GSN: variants seen among roughly 807,000 people sequenced by gnomAD.
GSN encodes the protein actin-depolymerizing factor.
In GSN, 56 loss-of-function variants were observed where a neutral mutation model predicts 85.7. That is an observed-to-expected ratio of 0.65 (90% confidence interval 0.53 to 0.82). The LOEUF is 0.82. Ranked by LOEUF, GSN falls within the 40% of genes least tolerant of loss-of-function variation. GSN has a pLI of 0.00. For synonymous variants in GSN, 373 were observed against 399.1 expected, an observed-to-expected ratio of 0.93 and a Z score of 0.78; for missense variants, 857 against 979.8, an observed-to-expected ratio of 0.87 and a Z score of 1.67.
chr9:121,252,794 C>T lies in GSN; in HGVS notation c.-341+4471C>T, dbSNP rs139415706. Among the ~76,000 whole-genome samples the T allele has an allele frequency of 4.5e-3, 689 of 152,232 alleles. 2 individuals carry two copies. The highest frequency in any genetic ancestry group is 0.014 in the African/African-American group (592 of 41,542). The stretch of plus-strand genomic sequence containing the variant: ...TTGCTGTATTAAGACACTAGGATTT[C>T]GGGGGGGCAATTTGTTACTATAATA... On this transcript the variant is annotated intron_variant, in intron 6 of 24. Coordinates refer to the GSN transcript ENST00000373823.
chr9:121,235,379 T>C (rs1037988833), intron 5 of GSN, among the ~76,000 whole-genome samples: 5 of 152,144 alleles, frequency 3.3e-5, no homozygotes, highest in African/African-American at 4.8e-5. Flanking sequence ...CTTCAGCTTG[T>C]CCAAAGTCCC....
At chr9:121,231,059 T>A (rs542836683) in intron 4 of GSN, 4 of 152,348 alleles carry the variant, frequency 2.6e-5, no homozygotes, top group Non-Finnish European at 5.9e-5. Context: ...AGCATCGCTA[T>A]ACTCCTCCTT....
upstream of GSN, among the ~76,000 whole-genome samples, chr9:121,205,482 A>T (rs9409230): frequency 0.039 from 5,918 of 152,276 alleles, 134 homozygotes; most frequent in Non-Finnish European, 0.055. Context: ...AGGAGAACAC[A>T]GATGGAGAGA....
chr9:121,233,762 C>G (rs557627048), intron 5 of GSN, among the ~76,000 whole-genome samples: 58 of 152,244 alleles, frequency 3.8e-4, no homozygotes, highest in Non-Finnish European at 7.2e-4. Flanking sequence ...AAAAGAGACC[C>G]TAAAACCTAT....
At chr9:121,257,079 A>T (rs1399077350) in intron 6 of GSN, among the ~76,000 whole-genome samples, 2 of 152,238 alleles carry the variant, frequency 1.3e-5, no homozygotes, top group East Asian at 3.8e-4. Flanking sequence ...TACACATTGT[A>T]TATGCATGTG....
chr9:121,239,789 C>CAA (rs2132190588), intron 5 of GSN: 1 of 255,594 alleles, frequency 3.9e-6, no homozygotes, highest in African/African-American at 2.3e-5. Context: ...TCCCCAGTCC[C>CAA]TTGAAATACC....
intron 4 of GSN, among the ~76,000 whole-genome samples, chr9:121,228,775 C>G (rs2054328734): frequency 1.3e-5 from 2 of 152,222 alleles, no homozygotes; most frequent in South Asian, 2.1e-4. Context: ...GTTGAAAGAA[C>G]AGTACACACA....
In GSN at chr9:121,246,897, G is replaced by A. The variant is rs994202826; in HGVS notation, c.-388-1379G>A. On this transcript the variant is annotated intron_variant, in intron 5 of 24. Coordinates refer to the GSN transcript ENST00000373823. ...GTGGGGAGGGCCCACTCCTAAGTGA[G>A]TCATGGCCAGAGTTTAAGGCGTGTG... Among the ~76,000 whole-genome samples the A allele has an allele frequency of 5.3e-5, 8 of 152,202 alleles. No individual in the cohort carries two copies. In the East Asian group the frequency reaches 1.5e-3, roughly 29 times the overall value.
At position 121,329,246 on chromosome 9, in the gene GSN, G is replaced by A; in HGVS notation, c.1896G>A (p.Glu632=). The change falls in exon 16 of 18, where the codon GAG becomes GAA. Residue 632 remains glutamate (E), a synonymous_variant. Coordinates refer to ENST00000432226, the MANE Select transcript of GSN (RefSeq NM_198252.3). This position sits in a 1 kb window ranked among gnomAD's most constrained non-coding sequence, Gnocchi z 4.6. Reference sequence around the variant, plus strand: ...CTTTCGTTCCTTCCCAGATCGAAGAGGTTCCTGGTGAGCTCATGCAGGAAG... The same window carrying A: ...CTTTCGTTCCTTCCCAGATCGAAGAAGTTCCTGGTGAGCTCATGCAGGAAG... ...SNKIGRFVIE[E]VPGELMQEDL... The A allele has an allele frequency of 1.2e-6, 2 of 1,610,552 alleles. No individual in the cohort carries two copies. Among genetic ancestry groups the A allele is most frequent in the Non-Finnish European group, 1.7e-6 (2 of 1,176,738 alleles).
At chr9:121,221,156 A>G (rs1279837177) in intron 4 of GSN, among the ~76,000 whole-genome samples, 2 of 152,242 alleles carry the variant, frequency 1.3e-5, no homozygotes, top group Non-Finnish European at 2.9e-5. Context: ...GAGAAAAGCC[A>G]GTTAACATCA....
rs935954209 is a variant in GSN at position 121,269,238 on chromosome 9, C to G, written c.-103+1019C>G. ...CCTGTGTGTCCTGTTCTCCCAGGAC[C>G]ACATTTCTGACCAGGGCACCAGGAC... On this transcript the variant is annotated intron_variant, in intron 1 of 17. Coordinates refer to ENST00000432226, the MANE Select transcript of GSN (RefSeq NM_198252.3). 3.3e-5 allele frequency among the ~76,000 whole-genome samples: 5 copies of G among 152,254 alleles called. No homozygotes were observed. The East Asian group carries it at 7.7e-4, about 24-fold the overall frequency.
intron 4 of GSN, among the ~76,000 whole-genome samples, chr9:121,226,506 C>T (rs2054274345): frequency 6.6e-6 from 1 of 151,626 alleles, no homozygotes; most frequent in Non-Finnish European, 1.5e-5. Context: ...TGGAGCCATC[C>T]AGGCTGAGAG....
At chr9:121,202,176 C>G in the GSN span, among the ~76,000 whole-genome samples, 1 of 152,256 alleles carries the variant, frequency 6.6e-6, no homozygotes, top group African/African-American at 2.4e-5. Context: ...GCGCCTGCGT[C>G]TTGGAGAACT....
intron 16 of GSN, among the ~76,000 whole-genome samples, chr9:121,330,495 A>G (rs1162640611): frequency 6.6e-6 from 1 of 152,214 alleles, no homozygotes; most frequent in Non-Finnish European, 1.5e-5. Context: ...GAATCACTTG[A>G]ACCCAGGAGG....
In GSN at chr9:121,299,032, C is replaced by T. The variant is rs557090631; in HGVS notation, c.-9-2931C>T. Reference sequence around the variant, plus strand: ...AACAAGGGCTTGCTTAGAGACATGACGGTAAACCCTGAACCATCAGCTAAA... The same window carrying T: ...AACAAGGGCTTGCTTAGAGACATGATGGTAAACCCTGAACCATCAGCTAAA... On this transcript the variant is annotated intron_variant, in intron 2 of 17. Transcript: ENST00000432226. The surrounding 1 kb of genome is among the most constrained non-coding windows in gnomAD (Gnocchi z 4.2). Among the ~76,000 whole-genome samples the T allele has an allele frequency of 4.6e-5, 7 of 152,306 alleles. No individual in the cohort carries two copies. The highest frequency in any genetic ancestry group is 2.1e-4 in the South Asian group (1 of 4,826).
chr9:121,229,169 C>T (rs2054337198), intron 4 of GSN, among the ~76,000 whole-genome samples: 1 of 152,198 alleles, frequency 6.6e-6, no homozygotes, highest in Non-Finnish European at 1.5e-5. Context: ...TAACCTGGAA[C>T]AGTTCCCTCC....
At chr9:121,249,032 G>T (rs1250813006) in intron 6 of GSN, among the ~76,000 whole-genome samples, 1 of 152,144 alleles carries the variant, frequency 6.6e-6, no homozygotes, top group East Asian at 1.9e-4. Context: ...AGACTTTTGT[G>T]ACAATCTAGA....
chr9:121,313,832 A>T (rs750465132), intron 6 of GSN, 102 bp from the exon 7 acceptor site: 4 of 901,144 alleles, frequency 4.4e-6, no homozygotes, highest in Non-Finnish European at 5.6e-6. Context: ...GGGGAGGGTC[A>T]CAGTGGATGT....
At chr9:121,303,539 G>C (rs1394893159) in intron 4 of GSN, among the ~76,000 whole-genome samples, 1 of 152,222 alleles carries the variant, frequency 6.6e-6, no homozygotes, top group Non-Finnish European at 1.5e-5. Flanking sequence ...ACTCTTCAGA[G>C]TCTGGATCAA....
Sources: allele counts gnomAD v4.1 joint callset (sites outside exome capture counted in the v4.1 genomes callset), GRCh38; gene constraint gnomAD v4.1.1; non-coding constraint Gnocchi (gnomAD v3.1); transcripts MANE v1.5; gene names NCBI Gene and HGNC (gene_info 2026-07-23, HGNC 2026-07-21).